The following NOS1 variants were observed in gnomAD, a reference collection of about 807,000 sequenced individuals.
NOS1 encodes the protein nitric oxide synthase 1, also known as NOS type I.
A neutral mutation model predicts 164.5 loss-of-function variants in NOS1; 51 were observed. The ratio of observed to expected loss-of-function variants is 0.31; its 90% confidence interval spans 0.25 to 0.39. NOS1 has a LOEUF of 0.39. Among genes scored for constraint, NOS1 ranks in the 10% least tolerant of loss-of-function variants. The pLI is 1.00. For missense variants in NOS1, 1,362 were observed against 1,885.6 expected (o/e 0.72, Z 5.14); for synonymous variants, 719 against 745.8 (o/e 0.96, Z 0.59).
intron 13 of NOS1, 68 bp from the exon 14 acceptor site, chr12:117,260,677 C>CT: frequency 6.5e-7 from 1 of 1,536,396 alleles, no homozygotes; most frequent in Admixed American, 1.8e-5. Context: ...TGGATTGGGA[C>CT]TTTCGTGCAA....
intron 20 of NOS1, among the ~76,000 whole-genome samples, chr12:117,235,178 A>G: frequency 6.6e-6 from 1 of 152,114 alleles, no homozygotes; most frequent in East Asian, 1.9e-4. Context: ...TCGGCCTTCC[A>G]AAGTGCTAGG....
intron 25 of NOS1, among the ~76,000 whole-genome samples, chr12:117,223,626 G>C (rs1868392102): frequency 6.6e-6 from 1 of 151,824 alleles, no homozygotes; most frequent in South Asian, 2.1e-4. Flanking sequence ...GCCCAGGCTG[G>C]AGTGCAGTGG....
intron 23 of NOS1, among the ~76,000 whole-genome samples, 187 bp downstream of exon 23, chr12:117,227,244 T>A (rs150062403): frequency 7.8e-4 from 119 of 152,348 alleles, no homozygotes; most frequent in South Asian, 1.7e-3. Context: ...TTCCTAATTC[T>A]GCTCAGGCTT....
chr12:117,283,349 A>C (rs1294324477), intron 7 of NOS1, among the ~76,000 whole-genome samples: 1 of 152,222 alleles, frequency 6.6e-6, no homozygotes, highest in Non-Finnish European at 1.5e-5. Flanking sequence ...GGCGTGAGCC[A>C]CAGCGCCCAG....
chr12:117,311,671 T>C, intron 2 of NOS1, 79 bp from the exon 3 acceptor site: 1 of 1,510,866 alleles, frequency 6.6e-7, no homozygotes, highest in Non-Finnish European at 9.0e-7. Context: ...AAGTCCTGAG[T>C]CTGTACAGAA....
chr12:117,299,490 C>T (rs493948), intron 3 of NOS1, among the ~76,000 whole-genome samples: 61,640 of 151,408 alleles, frequency 0.41, 13,254 homozygotes, highest in African/African-American at 0.52. Context: ...TACAAAAAAA[C>T]TAGCCGGGCG....
At chr12:117,257,803 C>CTTT (rs34828673) in intron 16 of NOS1, among the ~76,000 whole-genome samples, 6 of 120,490 alleles carry the variant, frequency 5.0e-5, no homozygotes, top group East Asian at 2.3e-4. Flanking sequence ...TTACACAGTG[C>CTTT]TTTTTTTTTT....
intron 20 of NOS1, among the ~76,000 whole-genome samples, chr12:117,237,292 C>T (rs974573387): frequency 3.9e-5 from 6 of 152,008 alleles, no homozygotes; most frequent in Admixed American, 1.3e-4. Flanking sequence ...CCACCATGCC[C>T]GGCTAGTTTT....
chr12:117,338,406 C>T (rs192265097), intron 1 of NOS1, among the ~76,000 whole-genome samples: 23 of 140,188 alleles, frequency 1.6e-4, no homozygotes, highest in Non-Finnish European at 3.2e-4. Context: ...GTTTCATAGG[C>T]GGGAACTGAA....
At chr12:117,240,985 G>A (rs555195897) in intron 20 of NOS1, among the ~76,000 whole-genome samples, 2 of 150,886 alleles carry the variant, frequency 1.3e-5, no homozygotes, top group South Asian at 4.2e-4. Flanking sequence ...CGTCGCCCAG[G>A]CTGGAGTACA....
chr12:117,230,759 T>C (rs1427506226), intron 22 of NOS1, among the ~76,000 whole-genome samples: 1 of 152,184 alleles, frequency 6.6e-6, no homozygotes, highest in East Asian at 1.9e-4. Context: ...TGATCTCTAA[T>C]AGTCCCCCCT....
intron 1 of NOS1, among the ~76,000 whole-genome samples, chr12:117,344,986 T>C (rs1876278065): frequency 6.6e-6 from 1 of 151,522 alleles, no homozygotes; most frequent in Admixed American, 6.6e-5. Flanking sequence ...CGGGCTATTA[T>C]GATTAATTCT....
intron 8 of NOS1, among the ~76,000 whole-genome samples, chr12:117,278,342 A>AT (rs1873349948): frequency 6.6e-6 from 1 of 152,196 alleles, no homozygotes; most frequent in Non-Finnish European, 1.5e-5. Flanking sequence ...AACCACAATT[A>AT]TTTTTGCACT....
chr12:117,325,138 T>C (rs1875180931), intron 2 of NOS1, among the ~76,000 whole-genome samples: 2 of 152,104 alleles, frequency 1.3e-5, no homozygotes. Context: ...CCCAAGTCAG[T>C]GGGTTTTCTT....
chr12:117,268,240 C>A (rs1297203693), intron 10 of NOS1, 96 bp from the exon 11 acceptor site: 2 of 847,678 alleles, frequency 2.4e-6, no homozygotes, highest in African/African-American at 3.4e-5. Flanking sequence ...AATTTCTTTT[C>A]TTTTTTTTTA....
chr12:117,343,211 C>T (rs920931253), intron 1 of NOS1, among the ~76,000 whole-genome samples: 1 of 150,042 alleles, frequency 6.7e-6, no homozygotes, highest in Non-Finnish European at 1.5e-5. Flanking sequence ...GCACACCAGC[C>T]TGGGTGACAG....
chr12:117,357,699 G>A (rs184518160), intron 1 of NOS1, among the ~76,000 whole-genome samples: 1 of 152,282 alleles, frequency 6.6e-6, no homozygotes, highest in African/African-American at 2.4e-5. Flanking sequence ...ATGCTGATTC[G>A]GTAGATTTAG....
At chr12:117,350,885 G>A (rs1344501935) in intron 1 of NOS1, among the ~76,000 whole-genome samples, 1 of 152,146 alleles carries the variant, frequency 6.6e-6, no homozygotes, top group Non-Finnish European at 1.5e-5. Context: ...AGGCCGAGGC[G>A]GGCGGATCAC....
Position 117,214,246 on chromosome 12 carries a change from A to T in NOS1, c.*1063T>A. 1 of 985,410 alleles carries T rather than the reference A, an allele frequency of 1.0e-6. No homozygotes were observed. The highest frequency in any genetic ancestry group is 1.2e-6 in the Non-Finnish European group (1 of 829,928). 61.0% of individuals were successfully genotyped at this position (985,410 alleles called of 1,614,324 possible). ...ACTTGATATTGTTTCCAGGCACCAA[A>T]GCTTTAACATTTAATCCATTCATAT... On this transcript the variant is annotated 3_prime_UTR_variant, in exon 29 of 29. Transcript: ENST00000317775.
Sources: gnomAD v4.1 joint callset for allele counts (sites outside exome capture counted in the v4.1 genomes callset) on GRCh38, gnomAD v4.1.1 for gene constraint, MANE v1.5 for transcripts, NCBI Gene and HGNC (gene_info 2026-07-23, HGNC 2026-07-21) for gene names.